The following GRIP1 variants were observed in gnomAD, a reference collection of about 807,000 sequenced individuals.
GRIP1 encodes glutamate receptor-interacting protein 1.
In GRIP1, 45 loss-of-function variants were observed where a neutral mutation model predicts 129.9. The observed-to-expected ratio is 0.35, with a 90% CI of 0.27 to 0.44. The LOEUF is 0.44. GRIP1 is among the 20% of genes least tolerant of loss of function. GRIP1 has a pLI of 1.00. For synonymous variants in GRIP1, 530 were observed against 520.8 expected (o/e 1.02, Z -0.24); for missense variants, 1,196 against 1,396.8 (o/e 0.86, Z 2.29).
At chr12:66,939,602 T>C (rs1030626423) in intron 1 of GRIP1, among the ~76,000 whole-genome samples, 1 of 152,126 alleles carries the variant, frequency 6.6e-6, no homozygotes, top group African/African-American at 2.4e-5. Context: ...AACTGGGGCA[T>C]GGGCTGTAGA....
rs535811724 is a variant in GRIP1, at chr12:67,029,926, G to A, written c.58+39124C>T. ...TAATATTAAAAAAAATCGGCCTGGCGCGGTGGCTCACGCCTGTAATCCCAG... is the reference window on the plus strand; with the variant it reads ...TAATATTAAAAAAAATCGGCCTGGCACGGTGGCTCACGCCTGTAATCCCAG... On this transcript the variant is annotated intron_variant, in intron 1 of 1. Transcript: ENST00000643019. 1.1e-4 allele frequency among the ~76,000 whole-genome samples: 16 copies of A among 151,840 alleles called. No individual in the cohort carries two copies. The South Asian group carries it at 2.7e-3, about 26-fold the overall frequency.
At chr12:66,528,208 C>T (rs2061328939) in intron 5 of GRIP1, among the ~76,000 whole-genome samples, 1 of 147,366 alleles carries the variant, frequency 6.8e-6, no homozygotes, top group African/African-American at 2.5e-5. Context: ...GATCTGGGCT[C>T]ACTGCAAGCT....
chr12:66,573,637 T>C (rs945158280), intron 2 of GRIP1, among the ~76,000 whole-genome samples: 1 of 152,130 alleles, frequency 6.6e-6, no homozygotes, highest in African/African-American at 2.4e-5. Context: ...CCTAACCAGA[T>C]AGGTGTGCTG....
At chr12:67,014,514 C>A (rs1370616852) in intron 1 of GRIP1, among the ~76,000 whole-genome samples, 1 of 151,914 alleles carries the variant, frequency 6.6e-6, no homozygotes, top group East Asian at 1.9e-4. Context: ...GCAAATAATC[C>A]CATACATATT....
chr12:67,010,237 A>G (rs2042685151), intron 1 of GRIP1, among the ~76,000 whole-genome samples: 1 of 152,220 alleles, frequency 6.6e-6, no homozygotes. Flanking sequence ...GAGCCAACAC[A>G]TAGTAGATTA....
chr12:66,769,837 G>A (rs765831683), intron 1 of GRIP1, among the ~76,000 whole-genome samples: 90 of 152,148 alleles, frequency 5.9e-4, no homozygotes, highest in Non-Finnish European at 5.3e-4. Flanking sequence ...AAAGGAGGAT[G>A]TTTCCTTTCC....
At chr12:66,447,578 C>T (rs933507121) in intron 11 of GRIP1, among the ~76,000 whole-genome samples, 1 of 152,054 alleles carries the variant, frequency 6.6e-6, no homozygotes, top group Non-Finnish European at 1.5e-5. Flanking sequence ...ATTATTTGTT[C>T]CCTCTTCCTT....
chr12:66,764,415 A>G (rs1235675914), intron 1 of GRIP1, among the ~76,000 whole-genome samples: 2 of 152,274 alleles, frequency 1.3e-5, no homozygotes, highest in African/African-American at 4.8e-5. Flanking sequence ...CTGCTTTTTC[A>G]TTTATGATGT....
rs367709432 is a variant in GRIP1, at chr12:66,348,339, T to TA, written c.*679dup. ...TTTTCAGCTATTAAAAATGTGTCCT[T>TA]AAAAAAAAAACAGGTCACAAGACAT... is the stretch of plus-strand genomic sequence containing the variant. On this transcript the variant is annotated 3_prime_UTR_variant, in exon 25 of 25. Coordinates refer to ENST00000359742, the MANE Select transcript of GRIP1 (RefSeq NM_001366722.1). 7,497 of 148,282 alleles carry TA rather than the reference T, an allele frequency of 0.051. 212 individuals carry two copies. The highest frequency in any genetic ancestry group is 0.072 in the African/African-American group (2,907 of 40,624). 9.2% of individuals were successfully genotyped at this position (148,282 alleles called of 1,614,324 possible). A position where few individuals can be genotyped will look rare whatever the true frequency, so the allele number is the denominator to read the frequency against.
At chr12:67,037,329 A>AAAAAATAATAATAAT (rs1555167297) in intron 1 of GRIP1, 1 of 139,188 alleles carries the variant, frequency 7.2e-6, no homozygotes, top group South Asian at 2.4e-4. Flanking sequence ...CTCTGCCTGA[A>AAAAAATAATAATAAT]AATAATAATA....
chr12:66,444,823 G>T, intron 12 of GRIP1, 94 bp from the exon 13 acceptor site: 1 of 1,334,160 alleles, frequency 7.5e-7, no homozygotes, highest in Non-Finnish European at 1.1e-6. Flanking sequence ...TTGCAAAATA[G>T]CATCATAATT....
intron 1 of GRIP1, among the ~76,000 whole-genome samples, chr12:66,956,974 T>C (rs1205658087): frequency 1.3e-5 from 2 of 152,196 alleles, no homozygotes; most frequent in African/African-American, 4.8e-5. Context: ...CCTCTGTTGC[T>C]TATTTTTAAC....
At chr12:66,745,237 C>T (rs2036908860) in intron 1 of GRIP1, among the ~76,000 whole-genome samples, 1 of 151,962 alleles carries the variant, frequency 6.6e-6, no homozygotes, top group Non-Finnish European at 1.5e-5. Flanking sequence ...TCAGTAAAAC[C>T]CTGAAGAAAA....
At chr12:67,024,449 GA>G (rs1168878938) in intron 1 of GRIP1, among the ~76,000 whole-genome samples, 1 of 152,138 alleles carries the variant, frequency 6.6e-6, no homozygotes, top group Non-Finnish European at 1.5e-5. Flanking sequence ...AAGTGAAGGA[GA>G]AAGAGGGGGA....
At chr12:66,391,964 T>C (rs1360920566) in intron 19 of GRIP1, among the ~76,000 whole-genome samples, 1 of 152,186 alleles carries the variant, frequency 6.6e-6, no homozygotes, top group African/African-American at 2.4e-5. Flanking sequence ...GAAAGCTTGC[T>C]GAAAAATAAG....
intron 1 of GRIP1, among the ~76,000 whole-genome samples, chr12:66,603,559 G>A (rs1958145624): frequency 6.6e-6 from 1 of 152,216 alleles, no homozygotes; most frequent in Admixed American, 6.5e-5. Flanking sequence ...GGAAAGCCCT[G>A]CTCCAACTGA....
At chr12:66,900,451 C>T (rs1169707821) in intron 1 of GRIP1, among the ~76,000 whole-genome samples, 2 of 152,166 alleles carry the variant, frequency 1.3e-5, no homozygotes, top group Non-Finnish European at 2.9e-5. Context: ...AATCTGCCAG[C>T]CTCTTGATCT....
Position 66,644,030 on chromosome 12 carries a change from G to A in GRIP1, c.55+34820C>T, listed in dbSNP as rs140264868. The stretch of plus-strand genomic sequence containing the variant: ...AGGCCTTAGAATCATGGTGGGAGGC[G>A]AAAGGTACTTCTTACACGGCAGCGG... On this transcript the variant is annotated intron_variant, in intron 1 of 24. Coordinates refer to ENST00000359742, the MANE Select transcript of GRIP1 (RefSeq NM_001366722.1). Among the ~76,000 whole-genome samples, 360 of 152,246 alleles carry A rather than the reference G, an allele frequency of 2.4e-3. 2 individuals are homozygous for A. The highest frequency in any genetic ancestry group is 8.2e-3 in the African/African-American group (339 of 41,548).
intron 4 of GRIP1, among the ~76,000 whole-genome samples, chr12:66,534,515 C>T (rs576460613): frequency 6.6e-6 from 1 of 152,282 alleles, no homozygotes; most frequent in South Asian, 2.1e-4. Flanking sequence ...GGATGCCAAG[C>T]TCCAACAATA....
Sources: allele counts gnomAD v4.1 joint callset (sites outside exome capture counted in the v4.1 genomes callset), GRCh38; gene constraint gnomAD v4.1.1; transcripts MANE v1.5; gene names NCBI Gene and HGNC (gene_info 2026-07-23, HGNC 2026-07-21).